The following ESR1 variants were observed in gnomAD, a reference collection of about 807,000 sequenced individuals.
ESR1 encodes estrogen receptor 1.
A neutral mutation model predicts 52.7 loss-of-function variants in ESR1; 12 were observed. The ratio of observed to expected loss-of-function variants is 0.23; its 90% CI spans 0.15 to 0.37. The LOEUF (loss-of-function observed/expected upper bound fraction) is 0.37, where lower values mean the gene tolerates loss of function less well. Among genes scored for constraint, ESR1 ranks in the 10% least tolerant of loss-of-function variants. The probability of loss-of-function intolerance (pLI) is 1.00; values close to 1 mark genes in which losing one functional copy is unlikely to be tolerated. For synonymous variants in ESR1, 305 were observed against 316.8 expected (o/e 0.96, Z 0.39); for missense variants, 584 against 779.7 (o/e 0.75, Z 2.99).
intron 6 of ESR1, among the ~76,000 whole-genome samples, chr6:152,074,532 T>A (rs1197702758): frequency 6.6e-6 from 1 of 152,238 alleles, no homozygotes; most frequent in East Asian, 1.9e-4. Flanking sequence ...GTTTTGGCAA[T>A]TATGAATGAA....
intron 4 of ESR1, among the ~76,000 whole-genome samples, chr6:151,980,152 G>T (rs2039854810): frequency 6.6e-6 from 1 of 152,080 alleles, no homozygotes; most frequent in Non-Finnish European, 1.5e-5. Flanking sequence ...GTAAGTGATG[G>T]GTTTTCTTGG....
At chr6:151,942,397 T>C (rs2035176036) in intron 3 of ESR1, among the ~76,000 whole-genome samples, 1 of 152,230 alleles carries the variant, frequency 6.6e-6, no homozygotes, top group African/African-American at 2.4e-5. Flanking sequence ...GCTTCATCTC[T>C]TTAAGTAACG....
At chr6:151,723,011 G>T (rs1263760373) in intron 2 of ESR1, among the ~76,000 whole-genome samples, 1 of 152,162 alleles carries the variant, frequency 6.6e-6, no homozygotes, top group African/African-American at 2.4e-5. Context: ...GGTGTGGTGG[G>T]CACTGAGCAT....
At chr6:151,924,068 G>T (rs1466231568) in intron 3 of ESR1, among the ~76,000 whole-genome samples, 1 of 152,104 alleles carries the variant, frequency 6.6e-6, no homozygotes, top group Non-Finnish European at 1.5e-5. Flanking sequence ...TTTTGAGATG[G>T]AGTCTCGCTC....
intron 4 of ESR1, among the ~76,000 whole-genome samples, chr6:151,957,866 T>A (rs1424345008): frequency 6.6e-6 from 1 of 152,196 alleles, no homozygotes; most frequent in Non-Finnish European, 1.5e-5. Flanking sequence ...AGTCCAGACT[T>A]ATTTTACCAG....
intron 2 of ESR1, among the ~76,000 whole-genome samples, chr6:151,848,488 A>G (rs924463338): frequency 1.4e-5 from 2 of 145,552 alleles, no homozygotes; most frequent in Admixed American, 1.3e-4. Context: ...TAAAAAAAAA[A>G]AATTTAAAAA....
chr6:151,814,564 T>C (rs1327523275), intron 1 of ESR1, among the ~76,000 whole-genome samples: 1 of 152,204 alleles, frequency 6.6e-6, no homozygotes, highest in Non-Finnish European at 1.5e-5. Context: ...CCTCAGCCAG[T>C]ATAAGAATAT....
At chr6:151,913,154 G>A (rs1216424750) in intron 3 of ESR1, among the ~76,000 whole-genome samples, 1 of 152,106 alleles carries the variant, frequency 6.6e-6, no homozygotes, top group African/African-American at 2.4e-5. Context: ...TTTACCAGTT[G>A]AGTATTTACT....
intron 3 of ESR1, among the ~76,000 whole-genome samples, chr6:151,912,779 T>C (rs1798470177): frequency 6.6e-6 from 1 of 152,144 alleles, no homozygotes; most frequent in Non-Finnish European, 1.5e-5. Context: ...GGGACATGGA[T>C]GAAGCCAGAA....
At chr6:151,819,448 C>A (rs972301619) in intron 1 of ESR1, among the ~76,000 whole-genome samples, 1 of 152,150 alleles carries the variant, frequency 6.6e-6, no homozygotes, top group Non-Finnish European at 1.5e-5. Context: ...TACAGCTGCT[C>A]CCCATCGCTT....
At chr6:152,108,358 A>G (rs1330932249) in intron 6 of ESR1, among the ~76,000 whole-genome samples, 1 of 152,270 alleles carries the variant, frequency 6.6e-6, no homozygotes, top group Non-Finnish European at 1.5e-5. Flanking sequence ...CAAGAATGCC[A>G]CAAATCTGCA....
At chr6:152,011,564 G>C (rs2042768513) in intron 4 of ESR1, 92 bp from the exon 5 acceptor site, 1 of 1,428,696 alleles carries the variant, frequency 7.0e-7, no homozygotes, top group African/African-American at 1.4e-5. Context: ...GTAGAAAATA[G>C]ACCTTGTCAG....
At chr6:152,013,587 A>G (rs796284372) in intron 5 of ESR1, among the ~76,000 whole-genome samples, 4 of 152,236 alleles carry the variant, frequency 2.6e-5, no homozygotes, top group African/African-American at 9.6e-5. Context: ...CAGTCATCAA[A>G]TAATTGCATT....
chr6:151,659,246 C>T (rs1038672272), intron 1 of ESR1, among the ~76,000 whole-genome samples: 1 of 152,186 alleles, frequency 6.6e-6, no homozygotes, highest in Non-Finnish European at 1.5e-5. Flanking sequence ...CTCCTGACCT[C>T]AGGTGATCCG....
At chr6:152,012,507 G>C (rs146541183) in intron 5 of ESR1, among the ~76,000 whole-genome samples, 134 of 152,264 alleles carry the variant, frequency 8.8e-4, no homozygotes, top group Admixed American at 1.6e-3. Context: ...AGGCAGGAAT[G>C]TCATCATCCA....
chr6:151,671,573 G>A (rs1305617625), intron 1 of ESR1, among the ~76,000 whole-genome samples: 1 of 152,192 alleles, frequency 6.6e-6, no homozygotes, highest in Non-Finnish European at 1.5e-5. Flanking sequence ...AGGGCACAAA[G>A]TTTTAGTTAG....
chr6:151,747,609 T>C (rs1314632791), intron 2 of ESR1, among the ~76,000 whole-genome samples: 1 of 152,192 alleles, frequency 6.6e-6, no homozygotes. Flanking sequence ...AATCCACCCA[T>C]TTAAAGTACA....
intron 2 of ESR1, among the ~76,000 whole-genome samples, chr6:151,762,128 G>A (rs1451275987): frequency 6.6e-6 from 1 of 152,124 alleles, no homozygotes; most frequent in Non-Finnish European, 1.5e-5. Context: ...GAGCAGCTAA[G>A]GTTGACAACA....
rs2050863986 is a variant in ESR1, at chr6:152,099,054, A to G, written c.*88A>G. ...ACTTTAGCCAAATTCTGTCTCCTGCATACACTCCGGCATGCATCCAACACC... is the reference window on the plus strand; with the variant it reads ...ACTTTAGCCAAATTCTGTCTCCTGCGTACACTCCGGCATGCATCCAACACC... On this transcript the variant is annotated 3_prime_UTR_variant, in exon 8 of 8. Coordinates refer to ENST00000206249, the MANE Select transcript of ESR1 (RefSeq NM_000125.4). The G allele has an allele frequency of 1.9e-6, 2 of 1,052,162 alleles. No homozygotes were observed. Among genetic ancestry groups the G allele is most frequent in the South Asian group, 1.3e-5 (1 of 74,862 alleles). 65.2% of individuals were successfully genotyped at this position (1,052,162 alleles called of 1,614,324 possible). A position where few individuals can be genotyped will look rare whatever the true frequency, so the allele number is the denominator to read the frequency against.
Sources: allele counts gnomAD v4.1 joint callset (sites outside exome capture counted in the v4.1 genomes callset), GRCh38; gene constraint gnomAD v4.1.1; transcripts MANE v1.5; gene names NCBI Gene and HGNC (gene_info 2026-07-23, HGNC 2026-07-21).